Variants in AGBL1 observed in about 807,000 individuals in gnomAD.
AGBL1 encodes the protein cytosolic carboxypeptidase 4.
In AGBL1, 130 loss-of-function variants were observed where a neutral mutation model predicts 118.9. That is an observed-to-expected ratio of 1.09 (90% confidence interval 0.95 to 1.26). The LOEUF (loss-of-function observed/expected upper bound fraction) is 1.26. AGBL1 is among the 50% of genes most tolerant of loss of function. The probability of loss-of-function intolerance (pLI) is 0.00; values close to 1 mark genes in which losing one functional copy is unlikely to be tolerated. For missense variants in AGBL1, 1,584 were observed against 1,298.1 expected (o/e 1.22, Z -3.38); for synonymous variants, 555 against 478.9 (o/e 1.16, Z -2.08).
At chr15:86,402,090 G>A (rs1048459978) in intron 18 of AGBL1, among the ~76,000 whole-genome samples, 3 of 151,992 alleles carry the variant, frequency 2.0e-5, no homozygotes, top group African/African-American at 7.3e-5. Context: ...AGCATGGGAT[G>A]TGTTTCCATT....
At chr15:86,715,032 C>G (rs1412712914) in intron 22 of AGBL1, among the ~76,000 whole-genome samples, 1 of 152,182 alleles carries the variant, frequency 6.6e-6, no homozygotes, top group Non-Finnish European at 1.5e-5. Context: ...TCCCACCATG[C>G]CTCTGTACTC....
At chr15:86,495,406 A>C (rs1338083653) in intron 18 of AGBL1, among the ~76,000 whole-genome samples, 1 of 151,076 alleles carries the variant, frequency 6.6e-6, no homozygotes, top group African/African-American at 2.4e-5. Context: ...TTTTAAAAAA[A>C]AAACCTTATA....
At chr15:86,926,569 A>G (rs981002173) in intron 23 of AGBL1, among the ~76,000 whole-genome samples, 13 of 152,242 alleles carry the variant, frequency 8.5e-5, no homozygotes, top group African/African-American at 2.9e-4. Flanking sequence ...CCTTAGATCT[A>G]TGAAGTGACT....
At chr15:86,662,232 G>C (rs900001987) in intron 21 of AGBL1, among the ~76,000 whole-genome samples, 2 of 152,246 alleles carry the variant, frequency 1.3e-5, no homozygotes, top group Non-Finnish European at 2.9e-5. Flanking sequence ...CTATGCCTCT[G>C]TGTGTAATAT....
At chr15:86,970,434 T>C (rs987466241) in intron 23 of AGBL1, among the ~76,000 whole-genome samples, 4 of 151,992 alleles carry the variant, frequency 2.6e-5, no homozygotes, top group Admixed American at 6.6e-5. Flanking sequence ...TTACATTTAT[T>C]TTCATAACCA....
At position 86,247,556 on chromosome 15, in the gene AGBL1, G is replaced by A. The variant is rs546883413; in HGVS notation, c.527-115G>A. On this transcript the variant is annotated intron_variant, in intron 6 of 22. Transcript: ENST00000614907. ...CATCTGCCAGTTTTCATACTAAAAT[G>A]TTATTATTCCCTTGATGATTAATAA... 30 of 1,133,126 alleles carry A rather than the reference G, an allele frequency of 2.6e-5. No homozygotes were observed. In the African/African-American group the frequency reaches 4.3e-4, roughly 16 times the overall value. The allele number at this position is 1,133,126 out of a possible 1,614,324, so 70.2% of individuals were successfully genotyped here.
chr15:86,704,184 C>A (rs2086408381), intron 22 of AGBL1, among the ~76,000 whole-genome samples: 1 of 152,100 alleles, frequency 6.6e-6, no homozygotes, highest in Admixed American at 6.6e-5. Flanking sequence ...ACCATAAAAA[C>A]CCTAGAAGAA....
At chr15:87,002,877 G>A (rs2081455097) in intron 24 of AGBL1, among the ~76,000 whole-genome samples, 2 of 152,032 alleles carry the variant, frequency 1.3e-5, no homozygotes, top group East Asian at 3.9e-4. Context: ...GAAGATTTTG[G>A]GCTGAGACAA....
chr15:86,966,279 C>CT (rs200070732), intron 23 of AGBL1, among the ~76,000 whole-genome samples: 4,547 of 130,346 alleles, frequency 0.035, 101 homozygotes, highest in East Asian at 0.078. Context: ...TGAACCATTT[C>CT]TTTTTTTTTT....
At chr15:86,941,754 C>T (rs1016885600) in intron 23 of AGBL1, among the ~76,000 whole-genome samples, 3 of 152,196 alleles carry the variant, frequency 2.0e-5, no homozygotes, top group Non-Finnish European at 4.4e-5. Flanking sequence ...AGGCAAGGTG[C>T]CAGCCATTGA....
chr15:86,172,078 T>C (rs942351764), intron 5 of AGBL1, among the ~76,000 whole-genome samples: 1 of 152,066 alleles, frequency 6.6e-6, no homozygotes, highest in Non-Finnish European at 1.5e-5. Context: ...AGACTACGCA[T>C]TGGGTACAGT....
chr15:86,204,489 C>A (rs1043039507), intron 5 of AGBL1, among the ~76,000 whole-genome samples: 2 of 124,064 alleles, frequency 1.6e-5, no homozygotes, highest in East Asian at 4.2e-4. Flanking sequence ...CTTCCTTTCC[C>A]TTCCCCTTCC....
At chr15:86,847,486 A>T (rs958742124) in intron 22 of AGBL1, among the ~76,000 whole-genome samples, 3 of 152,182 alleles carry the variant, frequency 2.0e-5, no homozygotes, top group Non-Finnish European at 4.4e-5. Context: ...TTTCCCCTTC[A>T]TAGGTGGCTG....
At chr15:86,840,949 AAAC>A (rs901443412) in intron 22 of AGBL1, among the ~76,000 whole-genome samples, 1 of 152,214 alleles carries the variant, frequency 6.6e-6, no homozygotes, top group African/African-American at 2.4e-5. Flanking sequence ...TGCAACTCAC[AAAC>A]AACAGTCAAA....
intron 22 of AGBL1, among the ~76,000 whole-genome samples, chr15:86,889,160 T>A (rs769971564): frequency 6.6e-6 from 1 of 152,120 alleles, no homozygotes; most frequent in Non-Finnish European, 1.5e-5. Flanking sequence ...TATCCTTATG[T>A]GGCTTAGTTG....
intron 23 of AGBL1, among the ~76,000 whole-genome samples, chr15:86,925,588 ATC>A (rs765271115): frequency 5.3e-5 from 8 of 152,160 alleles, no homozygotes; most frequent in Non-Finnish European, 1.2e-4. Flanking sequence ...TCATATTACT[ATC>A]TCAAGCCTTG....
chr15:86,803,764 T>G (rs1250522725), intron 22 of AGBL1, among the ~76,000 whole-genome samples: 1 of 152,128 alleles, frequency 6.6e-6, no homozygotes. Flanking sequence ...CAGGACTGAC[T>G]GTGGTGTGTA....
chr15:86,202,824 C>T (rs2077928852), intron 5 of AGBL1, among the ~76,000 whole-genome samples: 1 of 152,128 alleles, frequency 6.6e-6, no homozygotes, highest in Non-Finnish European at 1.5e-5. Flanking sequence ...AGGCAAAGCC[C>T]TGGTGCTAAG....
chr15:86,896,953 C>T (rs1055900610), intron 22 of AGBL1, among the ~76,000 whole-genome samples: 1 of 152,188 alleles, frequency 6.6e-6, no homozygotes, highest in African/African-American at 2.4e-5. Context: ...CCACTACATG[C>T]ACATTCCTAA....
Sources: allele counts gnomAD v4.1 joint callset (sites outside exome capture counted in the v4.1 genomes callset), GRCh38; gene constraint gnomAD v4.1.1; transcripts MANE v1.5; gene names NCBI Gene and HGNC (gene_info 2026-07-23, HGNC 2026-07-21).